The following CDK19 variants were observed in gnomAD, a reference collection of about 807,000 sequenced individuals.
CDK19 encodes the protein cyclin-dependent kinase 19.
In CDK19, 20 loss-of-function variants were observed where a neutral mutation model predicts 68.3. The ratio of observed to expected loss-of-function variants is 0.29; its 90% confidence interval spans 0.21 to 0.43. The LOEUF (loss-of-function observed/expected upper bound fraction) is 0.43, where lower values mean the gene tolerates loss of function less well. Ranked by LOEUF, CDK19 falls within the 20% of genes least tolerant of loss-of-function variation. The probability of loss-of-function intolerance (pLI) is 1.00; values close to 1 mark genes in which losing one functional copy is unlikely to be tolerated. For missense variants in CDK19, 339 were observed against 623.5 expected (o/e 0.54, Z 4.86); for synonymous variants, 221 against 222.8 (o/e 0.99, Z 0.07).
Position 110,666,454 on chromosome 6 carries a change from A to AG in CDK19, c.456+979_456+980insC, listed in dbSNP as rs71021806. Among the ~76,000 whole-genome samples the AG allele has an allele frequency of 3.5e-5, 5 of 141,966 alleles. 1 individual carries two copies. The South Asian group carries it at 1.1e-3, about 33-fold the overall frequency. 93.1% of individuals were successfully genotyped at this position (141,966 alleles called of 152,430 possible). On this transcript the variant is annotated intron_variant, in intron 4 of 12. Coordinates refer to ENST00000368911, the MANE Select transcript of CDK19 (RefSeq NM_015076.5). The stretch of plus-strand genomic sequence containing the variant: ...AAAAAAAAAAAAAAAAAAAAAAAAA[A>AG]TTATAAGGAGAAATGCTTCCATTAA...
intron 1 of CDK19, among the ~76,000 whole-genome samples, chr6:110,811,924 A>G (rs772206030): frequency 6.6e-6 from 1 of 151,598 alleles, no homozygotes; most frequent in Non-Finnish European, 1.5e-5. Flanking sequence ...GAGGTCCAGC[A>G]TGATGGCTCA....
intron 4 of CDK19, among the ~76,000 whole-genome samples, chr6:110,655,905 T>C (rs549038255): frequency 6.6e-6 from 1 of 152,324 alleles, no homozygotes; most frequent in Admixed American, 6.5e-5. Flanking sequence ...AGATCCACCA[T>C]AATCTGGTCC....
intron 1 of CDK19, chr6:110,813,045 G>GA (rs1243309241): frequency 1.7e-4 from 23 of 136,972 alleles, no homozygotes; most frequent in South Asian, 7.6e-4. Context: ...GATCCTGAGA[G>GA]GTTTTTTTTT....
chr6:110,769,165 A>C (rs1353670667), intron 1 of CDK19, among the ~76,000 whole-genome samples: 1 of 151,572 alleles, frequency 6.6e-6, no homozygotes, highest in East Asian at 1.9e-4. Flanking sequence ...AAAAAAAAAA[A>C]AAAAAAAAAA....
intron 4 of CDK19, among the ~76,000 whole-genome samples, chr6:110,657,003 T>C (rs1190788043): frequency 6.6e-6 from 1 of 152,218 alleles, no homozygotes; most frequent in East Asian, 1.9e-4. Flanking sequence ...CTATTTATGT[T>C]TGGAATACCC....
rs1253687515 is a variant in CDK19 at position 110,613,236 on chromosome 6, T to C, written c.*1299A>G. The stretch of plus-strand genomic sequence containing the variant: ...ATGCAAATATTCACTTTGTCTAGTA[T>C]AGTCTTATACTATCCGCCCATAGTT... On this transcript the variant is annotated 3_prime_UTR_variant, in exon 13 of 13. Transcript: ENST00000368911. 6.6e-6 allele frequency: 1 copy of C among 152,646 alleles called. No homozygotes were observed. Among genetic ancestry groups the C allele is most frequent in the Admixed American group, 6.5e-5 (1 of 15,286 alleles). 9.5% of individuals were successfully genotyped at this position (152,646 alleles called of 1,614,324 possible). A position where few individuals can be genotyped will look rare whatever the true frequency, so the allele number is the denominator to read the frequency against.
At chr6:110,788,798 C>T (rs1781409499) in intron 1 of CDK19, among the ~76,000 whole-genome samples, 1 of 152,014 alleles carries the variant, frequency 6.6e-6, no homozygotes, top group African/African-American at 2.4e-5. Flanking sequence ...AAATGGTGAG[C>T]AACTGCAGCT....
chr6:110,681,452 T>C (rs1772011704), intron 2 of CDK19, among the ~76,000 whole-genome samples: 1 of 152,244 alleles, frequency 6.6e-6, no homozygotes, highest in South Asian at 2.1e-4. Flanking sequence ...TTTACAAGTT[T>C]TCTTCAATGA....
intron 2 of CDK19, among the ~76,000 whole-genome samples, chr6:110,703,300 T>C (rs1306755008): frequency 6.6e-6 from 1 of 152,156 alleles, no homozygotes; most frequent in Non-Finnish European, 1.5e-5. Flanking sequence ...TGCTCTAAGA[T>C]ATTATGTTAG....
chr6:110,660,068 G>A (rs1781523490), intron 4 of CDK19, among the ~76,000 whole-genome samples: 1 of 152,266 alleles, frequency 6.6e-6, no homozygotes, highest in East Asian at 1.9e-4. Context: ...CTGGGCTCAA[G>A]GTATCTTCCC....
intron 1 of CDK19, among the ~76,000 whole-genome samples, chr6:110,769,294 G>A (rs745653390): frequency 2.0e-4 from 31 of 151,654 alleles, no homozygotes; most frequent in Admixed American, 1.6e-3. Flanking sequence ...GCCAGGCACC[G>A]TGGCTCACAC....
chr6:110,700,750 G>T, intron 2 of CDK19: 1 of 194,412 alleles, frequency 5.1e-6, no homozygotes. Flanking sequence ...AACTCCTTGT[G>T]GTGAAAGTTC....
chr6:110,760,529 A>G (rs916878228), intron 1 of CDK19, among the ~76,000 whole-genome samples: 9 of 151,980 alleles, frequency 5.9e-5, no homozygotes, highest in African/African-American at 2.2e-4. Context: ...AGAGTTCAAG[A>G]CTAGCCTGGG....
chr6:110,785,287 G>A (rs1034979133), intron 1 of CDK19, among the ~76,000 whole-genome samples: 1 of 151,898 alleles, frequency 6.6e-6, no homozygotes, highest in South Asian at 2.1e-4. Context: ...AACAACACAG[G>A]GCTTAGTGGC....
At chr6:110,806,752 T>C (rs1297996358) in intron 1 of CDK19, among the ~76,000 whole-genome samples, 1 of 147,386 alleles carries the variant, frequency 6.8e-6, no homozygotes, top group Non-Finnish European at 1.5e-5. Flanking sequence ...CTGAGGCAGA[T>C]GGATCACTTG....
At chr6:110,748,382 C>T (rs1721287555) in intron 1 of CDK19, among the ~76,000 whole-genome samples, 2 of 152,070 alleles carry the variant, frequency 1.3e-5, no homozygotes, top group South Asian at 4.1e-4. Flanking sequence ...TGGACAGGAA[C>T]AAGGAACAAA....
chr6:110,662,263 C>A (rs996272503), intron 4 of CDK19, among the ~76,000 whole-genome samples: 2 of 152,180 alleles, frequency 1.3e-5, no homozygotes, highest in African/African-American at 4.8e-5. Context: ...AGCCACCACA[C>A]CTGGCCTCCA....
At chr6:110,814,140 T>C (rs1400686355) in intron 1 of CDK19, 1 of 175,346 alleles carries the variant, frequency 5.7e-6, no homozygotes, top group Non-Finnish European at 1.2e-5. Flanking sequence ...AAAACAAAGG[T>C]TCAGGCCCAG....
At chr6:110,698,949 G>A (rs888474622) in intron 2 of CDK19, among the ~76,000 whole-genome samples, 7 of 151,852 alleles carry the variant, frequency 4.6e-5, no homozygotes, top group African/African-American at 1.7e-4. Flanking sequence ...TGTATGTTAG[G>A]GGGTTGAGGT....
Sources: gnomAD v4.1 joint callset for allele counts (sites outside exome capture counted in the v4.1 genomes callset) on GRCh38, gnomAD v4.1.1 for gene constraint, MANE v1.5 for transcripts, NCBI Gene and HGNC (gene_info 2026-07-23, HGNC 2026-07-21) for gene names.